The following SLC45A1 variants were observed in gnomAD, a reference collection of about 807,000 sequenced individuals.
SLC45A1 encodes proton-associated sugar transporter A.
SLC45A1 carries 28 observed loss-of-function variants against 57.6 expected under a neutral mutation model. The observed-to-expected ratio is 0.49, with a 90% CI of 0.36 to 0.67. SLC45A1 has a LOEUF of 0.67. Among genes scored for constraint, SLC45A1 ranks in the 30% least tolerant of loss-of-function variants. The pLI is 0.00. For synonymous variants in SLC45A1, 459 were observed against 471.5 expected (o/e 0.97, Z 0.34); for missense variants, 814 against 1,041.5 (o/e 0.78, Z 3.01).
chr1:8,339,998 G>A (rs1182575779), intron 8 of SLC45A1, among the ~76,000 whole-genome samples: 1 of 152,176 alleles, frequency 6.6e-6, no homozygotes, highest in Non-Finnish European at 1.5e-5. Context: ...TCAGGCCACC[G>A]GGTCTCCTGT....
intron 5 of SLC45A1, among the ~76,000 whole-genome samples, chr1:8,331,170 G>A (rs982065105): frequency 1.3e-5 from 2 of 152,154 alleles, no homozygotes; most frequent in Non-Finnish European, 2.9e-5. Context: ...GAACTCAGGA[G>A]TTTGAAACCA....
Position 8,330,371 on chromosome 1 carries a change from T to C in SLC45A1, c.878T>C (p.Leu293Pro). ...CTGGTCAGCATCCCTGAGAGGCCGC[T>C]GCGGCCGCCGAGTGAGAAGCGGGCA... Reference protein sequence around the residue: ...LTLVSIPERPLRPPSEKRAAM... With the variant: ...LTLVSIPERPPRPPSEKRAAM... The change falls in exon 5 of 9, where the codon CTG (leucine) becomes CCG (proline). Residue 293 changes from leucine (L) to proline (P), a missense_variant. Transcript: ENST00000471889. This position sits in a 1 kb window ranked among gnomAD's most constrained non-coding sequence, Gnocchi z 8.4. The C allele has an allele frequency of 6.2e-7, 1 of 1,612,982 alleles. No individual in the cohort carries two copies. The highest frequency in any genetic ancestry group is 8.5e-7 in the Non-Finnish European group (1 of 1,179,934).
chr1:8,334,596 G>A (rs929012633), intron 5 of SLC45A1, among the ~76,000 whole-genome samples: 5 of 152,122 alleles, frequency 3.3e-5, no homozygotes, highest in East Asian at 1.9e-4. Flanking sequence ...CCAGCTACTC[G>A]GGAGGCTGAG....
At chr1:8,340,165 C>CTT (rs113004016) in intron 8 of SLC45A1, among the ~76,000 whole-genome samples, 13 of 141,864 alleles carry the variant, frequency 9.2e-5, no homozygotes, top group African/African-American at 2.6e-4. Context: ...TTCTTTCTTT[C>CTT]TTTTTTTTTT....
At chr1:8,334,751 G>A (rs1156892819) in intron 5 of SLC45A1, among the ~76,000 whole-genome samples, 4 of 152,104 alleles carry the variant, frequency 2.6e-5, no homozygotes, top group African/African-American at 9.7e-5. Flanking sequence ...CCCCTGACCA[G>A]AGTCTGTACC....
intron 5 of SLC45A1, among the ~76,000 whole-genome samples, chr1:8,331,796 CT>C (rs35070407): frequency 1.1e-4 from 16 of 143,460 alleles, no homozygotes; most frequent in Non-Finnish European, 1.2e-4. Flanking sequence ...AGTGACAACT[CT>C]TTTTTTTTTT....
In SLC45A1 at chr1:8,328,884, C is replaced by A. The variant is rs1640284369; in HGVS notation, c.716-1325C>A. Reference sequence around the variant, plus strand: ...AAAATAAAGTTCTTCTGAAATCTGACCTTGGATAAGGGTCACGAACAGCAA... The same window carrying A: ...AAAATAAAGTTCTTCTGAAATCTGAACTTGGATAAGGGTCACGAACAGCAA... On this transcript the variant is annotated intron_variant, in intron 4 of 8. Transcript: ENST00000471889. This position sits in a 1 kb window ranked among gnomAD's most constrained non-coding sequence, Gnocchi z 4.6. Among the ~76,000 whole-genome samples the A allele has an allele frequency of 6.6e-6, 1 of 152,032 alleles. No homozygotes were observed. The highest frequency in any genetic ancestry group is 2.4e-5 in the African/African-American group (1 of 41,374).
chr1:8,337,793 A>C, intron 6 of SLC45A1, 23 bp from the exon 7 acceptor site: 1 of 1,608,784 alleles, frequency 6.2e-7, no homozygotes, highest in Non-Finnish European at 8.5e-7. Context: ...CCCCGAGGTC[A>C]TGAACCTCTT....
intron 1 of SLC45A1, among the ~76,000 whole-genome samples, chr1:8,320,525 T>C (rs1055596556): frequency 6.6e-6 from 1 of 152,120 alleles, no homozygotes; most frequent in Non-Finnish European, 1.5e-5. Flanking sequence ...GCACCTGTAG[T>C]TCCAGCTATT....
intron 8 of SLC45A1, among the ~76,000 whole-genome samples, chr1:8,339,984 A>G (rs1196535294): frequency 6.6e-6 from 1 of 152,008 alleles, no homozygotes; most frequent in Admixed American, 6.5e-5. Context: ...TTCCTACTCC[A>G]TTGTCAGGCC....
chr1:8,319,944 C>T (rs1419300132), intron 1 of SLC45A1, among the ~76,000 whole-genome samples: 1 of 152,176 alleles, frequency 6.6e-6, no homozygotes, highest in African/African-American at 2.4e-5. Flanking sequence ...TCTCGAACTC[C>T]TGAGCTCAGG....
rs56125713 is a variant in SLC45A1, at chr1:8,330,324, G to C, written c.831G>C (p.Leu277=). ...TTTACCTCTTCACTGCGGTCACCCT[G>C]AGCGTCACCACCGTCCTGACCCTGG... ...RVIYLFTAVT[L]SVTTVLTLVS... The change falls in exon 5 of 9, where the codon CTG becomes CTC. Residue 277 remains leucine, a synonymous_variant. Transcript: ENST00000471889. This position sits in a 1 kb window ranked among gnomAD's most constrained non-coding sequence, Gnocchi z 8.4. 262,989 of 1,613,352 alleles carry C rather than the reference G, an allele frequency of 0.16. 23,720 individuals carry two copies. The highest frequency in any genetic ancestry group is 0.29 in the South Asian group (26,464 of 91,048).
At chr1:8,324,857 T>A in intron 2 of SLC45A1, 131 bp downstream of exon 2, 1 of 883,800 alleles carries the variant, frequency 1.1e-6, no homozygotes, top group Non-Finnish European at 1.7e-6. Flanking sequence ...TCTGGGACTG[T>A]GGGGAACACA....
chr1:8,335,292 C>A lies in SLC45A1; in HGVS notation c.1444-145C>A. On this transcript the variant is annotated intron_variant, in intron 5 of 8. Transcript: ENST00000471889. This position sits in a 1 kb window ranked among gnomAD's most constrained non-coding sequence, Gnocchi z 4.1. Reference sequence around the variant, plus strand: ...TGTTCCTCTGAGGTTGGCGTCGACACGGGGCTCATGCCGTCAGATAAGAAG... The same window carrying A: ...TGTTCCTCTGAGGTTGGCGTCGACAAGGGGCTCATGCCGTCAGATAAGAAG... 1 of 781,982 alleles carries A rather than the reference C, an allele frequency of 1.3e-6. No individual in the cohort carries two copies. The highest frequency in any genetic ancestry group is 1.9e-6 in the Non-Finnish European group (1 of 518,482). 48.4% of individuals were successfully genotyped at this position (781,982 alleles called of 1,614,324 possible). A position where few individuals can be genotyped will look rare whatever the true frequency, so the allele number is the denominator to read the frequency against.
At chr1:8,318,403 G>A (rs565457753) in intron 1 of SLC45A1, among the ~76,000 whole-genome samples, 1 of 152,362 alleles carries the variant, frequency 6.6e-6, no homozygotes, top group East Asian at 1.9e-4. Context: ...AGGGGAGGGT[G>A]CCGGCCAGAT....
At position 8,343,440 on chromosome 1, in the gene SLC45A1, T is replaced by C. The variant is rs1640893263; in HGVS notation, c.1981-307T>C. Among the ~76,000 whole-genome samples, 2 of 151,734 alleles carry C rather than the reference T, an allele frequency of 1.3e-5. No homozygotes were observed. Among genetic ancestry groups the C allele is most frequent in the Non-Finnish European group, 2.9e-5 (2 of 67,896 alleles). ...GCGGTCGCCTGGCTGGGCAGATTGG[T>C]TTTCTTTGGGTGAGAGGATGGGGAA... On this transcript the variant is annotated intron_variant, in intron 8 of 8. Transcript: ENST00000471889. This position sits in a 1 kb window ranked among gnomAD's most constrained non-coding sequence, Gnocchi z 7.7.
rs184904633 is a variant in SLC45A1, at chr1:8,343,656, C to T, written c.1981-91C>T. 1.0e-5 allele frequency: 15 copies of T among 1,464,742 alleles called. No homozygotes were observed. Among genetic ancestry groups the T allele is most frequent in the Admixed American group, 2.0e-5 (1 of 50,650 alleles). The allele number at this position is 1,464,742 out of a possible 1,614,324, so 90.7% of individuals were successfully genotyped here. A position where few individuals can be genotyped will look rare whatever the true frequency, so the allele number is the denominator to read the frequency against. ...GTGAGGCCGCTGTGTGTGGGCCGCT[C>T]GGGCCTCCTGGGCTCGCAGGACACA... On this transcript the variant is annotated intron_variant, in intron 8 of 8. Coordinates refer to ENST00000471889, the MANE Select transcript of SLC45A1 (RefSeq NM_001080397.3). The surrounding 1 kb of genome is among the most constrained non-coding windows in gnomAD (Gnocchi z 7.7).
At chr1:8,322,222 G>A (rs1483500104) in intron 1 of SLC45A1, among the ~76,000 whole-genome samples, 13 of 80,704 alleles carry the variant, frequency 1.6e-4, no homozygotes, top group East Asian at 4.2e-4. Context: ...TGGGTGGATG[G>A]ATGGATGGGT....
chr1:8,324,805 G>T, intron 2 of SLC45A1, 79 bp downstream of exon 2: 3 of 1,344,658 alleles, frequency 2.2e-6, no homozygotes, highest in Non-Finnish European at 1.0e-6. Context: ...TGAGGGTCCT[G>T]AGGGGAGAAG....
Sources: gnomAD v4.1 joint callset for allele counts (sites outside exome capture counted in the v4.1 genomes callset) on GRCh38, gnomAD v4.1.1 for gene constraint, Gnocchi (gnomAD v3.1) non-coding constraint, MANE v1.5 for transcripts, NCBI Gene and HGNC (gene_info 2026-07-23, HGNC 2026-07-21) for gene names.